FAM237B: variants seen among roughly 807,000 people sequenced by gnomAD.
FAM237B encodes the protein protein FAM237B.
Position 90,317,796 on chromosome 7 carries a change from T to C in FAM237B, c.*1533A>G, listed in dbSNP as rs1019611541. 2.0e-5 allele frequency: 3 copies of C among 152,166 alleles called. No individual in the cohort carries two copies. The highest frequency in any genetic ancestry group is 7.2e-5 in the African/African-American group (3 of 41,446). 9.4% of individuals were successfully genotyped at this position (152,166 alleles called of 1,614,324 possible). A position where few individuals can be genotyped will look rare whatever the true frequency, so the allele number is the denominator to read the frequency against. ...CAGGCAGTTCGTTACTTGTTCAGTA[T>C]TATTTTAGCCGATTTTAAAACTTTT... On this transcript the variant is annotated 3_prime_UTR_variant, in exon 3 of 3. Transcript: ENST00000692316.
chr7:90,320,122 C>G (rs1795190349), intron 2 of FAM237B, among the ~76,000 whole-genome samples: 1 of 152,182 alleles, frequency 6.6e-6, no homozygotes, highest in Non-Finnish European at 1.5e-5. Context: ...GACTGCCTAT[C>G]CAAGACTCCT....
chr7:90,317,781 G>T lies in FAM237B; in HGVS notation c.*1548C>A, dbSNP rs751031987. ...ATCAAGTCAAACCATCAGGCAGTTC[G>T]TTACTTGTTCAGTATTATTTTAGCC... On this transcript the variant is annotated 3_prime_UTR_variant, in exon 3 of 3. Transcript: ENST00000692316. 3.9e-5 allele frequency: 6 copies of T among 152,000 alleles called. No homozygotes were observed. The highest frequency in any genetic ancestry group is 1.4e-4 in the African/African-American group (6 of 41,400). The allele number at this position is 152,000 out of a possible 1,614,324, so 9.4% of individuals were successfully genotyped here. A position where few individuals can be genotyped will look rare whatever the true frequency, so the allele number is the denominator to read the frequency against.
rs567258274 is a variant in FAM237B, at chr7:90,317,520, T to C, written c.*1809A>G. ...AATTATTAGCCCTACAATCTTATAT[T>C]ATCTGCTACTCATGCAAAATTGGTT... On this transcript the variant is annotated 3_prime_UTR_variant, in exon 3 of 3. Coordinates refer to ENST00000692316, the MANE Select transcript of FAM237B (RefSeq NM_001384237.2). 2.6e-5 allele frequency: 4 copies of C among 152,150 alleles called. No individual in the cohort carries two copies. The highest frequency in any genetic ancestry group is 6.8e-3 in the Middle Eastern group (2 of 294). 9.4% of individuals were successfully genotyped at this position (152,150 alleles called of 1,614,324 possible). A position where few individuals can be genotyped will look rare whatever the true frequency, so the allele number is the denominator to read the frequency against.
At chr7:90,319,797 G>A in intron 2 of FAM237B, 46 bp from the exon 3 acceptor site, 1 of 398,144 alleles carries the variant, frequency 2.5e-6, no homozygotes, top group Admixed American at 4.4e-5. Flanking sequence ...ACTTAAAAAA[G>A]TTATTCAATC....
Position 90,318,571 on chromosome 7 carries a change from C to T in FAM237B, c.*758G>A, listed in dbSNP as rs1160925170. Reference sequence around the variant, plus strand: ...ATAGTCAATATTAATATATAAGATACCTTATAAAATTGGTTACAATTTTAT... The same window carrying T: ...ATAGTCAATATTAATATATAAGATATCTTATAAAATTGGTTACAATTTTAT... On this transcript the variant is annotated 3_prime_UTR_variant, in exon 3 of 3. Transcript: ENST00000692316. 1 of 151,912 alleles carries T rather than the reference C, an allele frequency of 6.6e-6. No individual in the cohort carries two copies. Among genetic ancestry groups the T allele is most frequent in the Non-Finnish European group, 1.5e-5 (1 of 67,932 alleles). 9.4% of individuals were successfully genotyped at this position (151,912 alleles called of 1,614,324 possible).
rs992637935 is a variant in FAM237B at position 90,316,894 on chromosome 7, G to A, written c.*2435C>T. On this transcript the variant is annotated 3_prime_UTR_variant, in exon 3 of 3. Transcript: ENST00000692316. Reference sequence around the variant, plus strand: ...ATTGTCATGACAACTATGAGTGATTGAGGACAACTGGTTGAACAATTTTTT... The same window carrying A: ...ATTGTCATGACAACTATGAGTGATTAAGGACAACTGGTTGAACAATTTTTT... 3 of 152,194 alleles carry A rather than the reference G, an allele frequency of 2.0e-5. No individual in the cohort carries two copies. The highest frequency in any genetic ancestry group is 7.2e-5 in the African/African-American group (3 of 41,452). The allele number at this position is 152,194 out of a possible 1,614,324, so 9.4% of individuals were successfully genotyped here. A position where few individuals can be genotyped will look rare whatever the true frequency, so the allele number is the denominator to read the frequency against.
intron 2 of FAM237B, among the ~76,000 whole-genome samples, chr7:90,320,071 T>C (rs1274295042): frequency 1.3e-5 from 2 of 152,186 alleles, no homozygotes; most frequent in African/African-American, 4.8e-5. Flanking sequence ...CTTTACTGAT[T>C]AGATCATTAG....
Position 90,316,949 on chromosome 7 carries a change from G to A in FAM237B, c.*2380C>T, listed in dbSNP as rs1365738644. 6.6e-6 allele frequency: 1 copy of A among 152,172 alleles called. No homozygotes were observed. Among genetic ancestry groups the A allele is most frequent in the Non-Finnish European group, 1.5e-5 (1 of 68,028 alleles). The allele number at this position is 152,172 out of a possible 1,614,324, so 9.4% of individuals were successfully genotyped here. On this transcript the variant is annotated 3_prime_UTR_variant, in exon 3 of 3. Transcript: ENST00000692316. ...TAAAAGTACATGGTCTCACTTTACAGCATTGAACTTTTGAGCTTCAATCAT... is the reference window on the plus strand; with the variant it reads ...TAAAAGTACATGGTCTCACTTTACAACATTGAACTTTTGAGCTTCAATCAT...
rs566769940 is a variant in FAM237B, at chr7:90,319,473, G to A, written c.276C>T (p.Asn92=). The A allele has an allele frequency of 4.5e-5, 18 of 398,580 alleles. No individual in the cohort carries two copies. In the East Asian group the frequency reaches 6.4e-4, roughly 14 times the overall value. 24.7% of individuals were successfully genotyped at this position (398,580 alleles called of 1,614,324 possible). A position where few individuals can be genotyped will look rare whatever the true frequency, so the allele number is the denominator to read the frequency against. The change falls in exon 3 of 3, where the codon AAC becomes AAT. Residue 92 remains asparagine (N), a synonymous_variant. Transcript: ENST00000692316. The stretch of plus-strand genomic sequence containing the variant: ...ACATGTCCCAGAAATCCTGAGCTAT[G>A]TTTAAGAAGACATTATAATGTCCAG... ...QRPGHYNVFL[N]IAQDFWDMYV...
In FAM237B at chr7:90,319,316, GA is replaced by G. The variant is rs1341879839; in HGVS notation, c.*12del. On this transcript the variant is annotated 3_prime_UTR_variant, in exon 3 of 3. Coordinates refer to ENST00000692316, the MANE Select transcript of FAM237B (RefSeq NM_001384237.2). ...GAAGAATTAAATAGTGACTTTTAAAGAAAAGTAAACTGCTATTCTCTTAAAT... is the reference window on the plus strand; with the variant it reads ...GAAGAATTAAATAGTGACTTTTAAAGAAAGTAAACTGCTATTCTCTTAAAT... 2 of 398,100 alleles carry G rather than the reference GA, an allele frequency of 5.0e-6. No individual in the cohort carries two copies. Among genetic ancestry groups the G allele is most frequent in the Non-Finnish European group, 8.9e-6 (2 of 225,846 alleles). 24.7% of individuals were successfully genotyped at this position (398,100 alleles called of 1,614,324 possible).
Position 90,318,441 on chromosome 7 carries a change from T to C in FAM237B, c.*888A>G, listed in dbSNP as rs1317579637. The C allele has an allele frequency of 2.0e-5, 3 of 152,152 alleles. No homozygotes were observed. The highest frequency in any genetic ancestry group is 4.4e-5 in the Non-Finnish European group (3 of 67,986). 9.4% of individuals were successfully genotyped at this position (152,152 alleles called of 1,614,324 possible). The stretch of plus-strand genomic sequence containing the variant: ...TAATGCATAGAAAAATACTTTAATA[T>C]AGAAGATGGCTTGGTAATGAAATGT... On this transcript the variant is annotated 3_prime_UTR_variant, in exon 3 of 3. Coordinates refer to ENST00000692316, the MANE Select transcript of FAM237B (RefSeq NM_001384237.2).
In FAM237B at chr7:90,317,013, G is replaced by A. The variant is rs1057146635; in HGVS notation, c.*2316C>T. 6.6e-6 allele frequency: 1 copy of A among 151,770 alleles called. No individual in the cohort carries two copies. Among genetic ancestry groups the A allele is most frequent in the Non-Finnish European group, 1.5e-5 (1 of 67,962 alleles). 9.4% of individuals were successfully genotyped at this position (151,770 alleles called of 1,614,324 possible). ...GTAAAAGAGAACTGTTTTTTTTGAG[G>A]AAAACTGTAATACTGCCTCTAGGTA... On this transcript the variant is annotated 3_prime_UTR_variant, in exon 3 of 3. Transcript: ENST00000692316.
rs1357747391 is a variant in FAM237B at position 90,318,885 on chromosome 7, A to G, written c.*444T>C. The G allele has an allele frequency of 1.3e-5, 2 of 152,352 alleles. No individual in the cohort carries two copies. Among genetic ancestry groups the G allele is most frequent in the Admixed American group, 6.5e-5 (1 of 15,278 alleles). 9.4% of individuals were successfully genotyped at this position (152,352 alleles called of 1,614,324 possible). ...TTACATGTTTTCTCTTAAATGTAATACTCTCATTTTGTAAAATCTAGTCCT... is the reference window on the plus strand; with the variant it reads ...TTACATGTTTTCTCTTAAATGTAATGCTCTCATTTTGTAAAATCTAGTCCT... On this transcript the variant is annotated 3_prime_UTR_variant, in exon 3 of 3. Transcript: ENST00000692316.
chr7:90,320,244 A>G (rs1204278943), intron 2 of FAM237B: 1 of 152,320 alleles, frequency 6.6e-6, no homozygotes, highest in East Asian at 1.9e-4. Flanking sequence ...AAATGGTACT[A>G]GATCTCACAA....
In FAM237B at chr7:90,318,753, C is replaced by T. The variant is rs1795044658; in HGVS notation, c.*576G>A. 1 of 151,882 alleles carries T rather than the reference C, an allele frequency of 6.6e-6. No homozygotes were observed. Among genetic ancestry groups the T allele is most frequent in the South Asian group, 2.1e-4 (1 of 4,824 alleles). The allele number at this position is 151,882 out of a possible 1,614,324, so 9.4% of individuals were successfully genotyped here. A position where few individuals can be genotyped will look rare whatever the true frequency, so the allele number is the denominator to read the frequency against. On this transcript the variant is annotated 3_prime_UTR_variant, in exon 3 of 3. Coordinates refer to ENST00000692316, the MANE Select transcript of FAM237B (RefSeq NM_001384237.2). The stretch of plus-strand genomic sequence containing the variant: ...TTCAATAGCAATAAAGCAATTACAA[C>T]AAAAAACAACGTTTATCAGTATTAA...
chr7:90,317,770 T>A lies in FAM237B; in HGVS notation c.*1559A>T, dbSNP rs1480831305. The A allele has an allele frequency of 1.3e-5, 2 of 152,126 alleles. No homozygotes were observed. The highest frequency in any genetic ancestry group is 4.8e-5 in the African/African-American group (2 of 41,430). The allele number at this position is 152,126 out of a possible 1,614,324, so 9.4% of individuals were successfully genotyped here. ...CTTATTCTTGGATCAAGTCAAACCA[T>A]CAGGCAGTTCGTTACTTGTTCAGTA... On this transcript the variant is annotated 3_prime_UTR_variant, in exon 3 of 3. Coordinates refer to ENST00000692316, the MANE Select transcript of FAM237B (RefSeq NM_001384237.2).
At position 90,317,192 on chromosome 7, in the gene FAM237B, A is replaced by G. The variant is rs1024098938; in HGVS notation, c.*2137T>C. 2.6e-5 allele frequency: 4 copies of G among 152,148 alleles called. No homozygotes were observed. Among genetic ancestry groups the G allele is most frequent in the Non-Finnish European group, 5.9e-5 (4 of 68,010 alleles). The allele number at this position is 152,148 out of a possible 1,614,324, so 9.4% of individuals were successfully genotyped here. A position where few individuals can be genotyped will look rare whatever the true frequency, so the allele number is the denominator to read the frequency against. ...GAAAGTTCTTGGCAAGATTAACTCA[A>G]CTTTTTACTCCTGTCACATAAATGT... On this transcript the variant is annotated 3_prime_UTR_variant, in exon 3 of 3. Coordinates refer to ENST00000692316, the MANE Select transcript of FAM237B (RefSeq NM_001384237.2).
At position 90,319,233 on chromosome 7, in the gene FAM237B, G is replaced by C; in HGVS notation, c.*96C>G. The C allele has an allele frequency of 2.5e-6, 1 of 394,284 alleles. No individual in the cohort carries two copies. The highest frequency in any genetic ancestry group is 4.5e-6 in the Non-Finnish European group (1 of 223,840). 24.4% of individuals were successfully genotyped at this position (394,284 alleles called of 1,614,324 possible). On this transcript the variant is annotated 3_prime_UTR_variant, in exon 3 of 3. Coordinates refer to ENST00000692316, the MANE Select transcript of FAM237B (RefSeq NM_001384237.2). ...ATGAGAATCAAAACCTATCATTTTA[G>C]GGAAAAAAACTAAATATGGTAAATT...
rs373742773 is a variant in FAM237B, at chr7:90,316,930, T to A, written c.*2399A>T. 6.6e-6 allele frequency: 1 copy of A among 152,216 alleles called. No individual in the cohort carries two copies. Among genetic ancestry groups the A allele is most frequent in the Non-Finnish European group, 1.5e-5 (1 of 68,030 alleles). 9.4% of individuals were successfully genotyped at this position (152,216 alleles called of 1,614,324 possible). On this transcript the variant is annotated 3_prime_UTR_variant, in exon 3 of 3. Transcript: ENST00000692316. ...GTTGAACAATTTTTTAGACTAAAAGTACATGGTCTCACTTTACAGCATTGA... is the reference window on the plus strand; with the variant it reads ...GTTGAACAATTTTTTAGACTAAAAGAACATGGTCTCACTTTACAGCATTGA...
Sources: gnomAD v4.1 joint callset for allele counts (sites outside exome capture counted in the v4.1 genomes callset) on GRCh38, gnomAD v4.1.1 for gene constraint, MANE v1.5 for transcripts, NCBI Gene and HGNC (gene_info 2026-07-23, HGNC 2026-07-21) for gene names.